ADCK1: variants seen among roughly 807,000 people sequenced by gnomAD.
The protein encoded by ADCK1 is aarF domain containing kinase 1, also known as aarF domain-containing protein kinase 1.
Under a neutral mutation model 52.3 loss-of-function variants are expected in ADCK1, and 41 were observed. That is an observed-to-expected ratio of 0.78 (90% CI 0.61 to 1.02). The LOEUF (loss-of-function observed/expected upper bound fraction) is 1.02. ADCK1 is among the 50% of genes least tolerant of loss of function. The probability of loss-of-function intolerance (pLI) is 0.00; values close to 1 mark genes in which losing one functional copy is unlikely to be tolerated. For synonymous variants in ADCK1, 250 were observed against 274.6 expected (o/e 0.91, Z 0.89); for missense variants, 658 against 679.5 (o/e 0.97, Z 0.35).
intron 3 of ADCK1, among the ~76,000 whole-genome samples, 198 bp from the exon 4 acceptor site, chr14:77,858,878 G>T (rs750380453): frequency 6.6e-6 from 1 of 152,164 alleles, no homozygotes; most frequent in Non-Finnish European, 1.5e-5. Context: ...TCTGTATGAG[G>T]TTGGAGTTGA....
intron 3 of ADCK1, among the ~76,000 whole-genome samples, chr14:77,852,907 A>ATTTT (rs71303864): frequency 7.6e-4 from 22 of 28,956 alleles, no homozygotes; most frequent in East Asian, 1.8e-3. Flanking sequence ...ATATATATAT[A>ATTTT]TTTTTTTTTT....
At chr14:77,873,959 A>G (rs2082842641) in intron 4 of ADCK1, among the ~76,000 whole-genome samples, 1 of 152,346 alleles carries the variant, frequency 6.6e-6, no homozygotes, top group South Asian at 2.1e-4. Context: ...ATGGCATTAG[A>G]AAGGCTAATC....
chr14:77,903,896 A>G (rs2083602382), intron 6 of ADCK1, among the ~76,000 whole-genome samples: 1 of 152,124 alleles, frequency 6.6e-6, no homozygotes, highest in Non-Finnish European at 1.5e-5. Flanking sequence ...AGAGTGATTT[A>G]TATTCTTTAA....
chr14:77,820,499 T>G (rs1419756177), intron 2 of ADCK1, among the ~76,000 whole-genome samples: 1 of 151,568 alleles, frequency 6.6e-6, no homozygotes, highest in Non-Finnish European at 1.5e-5. Flanking sequence ...CCTGGCCAAT[T>G]TCTCTATTTT....
At chr14:77,858,932 G>A in intron 3 of ADCK1, 144 bp from the exon 4 acceptor site, 3 of 689,326 alleles carry the variant, frequency 4.4e-6, no homozygotes, top group Middle Eastern at 8.5e-4. Context: ...GAAAAGGTGT[G>A]TGTGTGTGCG....
chr14:77,815,021 G>A (rs1486220611), intron 1 of ADCK1, among the ~76,000 whole-genome samples: 1 of 150,570 alleles, frequency 6.6e-6, no homozygotes, highest in Non-Finnish European at 1.5e-5. Context: ...CGAGTAGCTG[G>A]GATTACAGAG....
chr14:77,800,914 T>C (rs1373237731), intron 1 of ADCK1, among the ~76,000 whole-genome samples: 1 of 152,220 alleles, frequency 6.6e-6, no homozygotes, highest in Admixed American at 6.5e-5. Flanking sequence ...ACTTTATCTG[T>C]GGCTTCATAT....
rs184352912 is a variant in ADCK1 at position 77,892,481 on chromosome 14, C to T, written c.582+5232C>T. 2.4e-3 allele frequency among the ~76,000 whole-genome samples: 363 copies of T among 152,228 alleles called. 3 individuals are homozygous for T. Among genetic ancestry groups the T allele is most frequent in the African/African-American group, 7.9e-3 (327 of 41,550 alleles). The stretch of plus-strand genomic sequence containing the variant: ...AGCTGTTCCAAGGCTGACAGCCCAG[C>T]ACCTCATTGTTTGTAATGACTCAGA... On this transcript the variant is annotated intron_variant, in intron 5 of 10. Transcript: ENST00000238561.
intron 3 of ADCK1, among the ~76,000 whole-genome samples, chr14:77,840,317 T>A (rs1431462331): frequency 6.6e-6 from 1 of 151,946 alleles, no homozygotes; most frequent in Non-Finnish European, 1.5e-5. Flanking sequence ...TTCTGGAGGC[T>A]CTAGGGGAGA....
intron 7 of ADCK1, among the ~76,000 whole-genome samples, chr14:77,910,854 C>T (rs146248475): frequency 1.2e-4 from 19 of 152,294 alleles, no homozygotes; most frequent in Admixed American, 6.5e-4. Context: ...TCTGCCTCCC[C>T]GCTCTTTTGA....
At chr14:77,826,423 C>T (rs923798881) in intron 3 of ADCK1, among the ~76,000 whole-genome samples, 2 of 152,132 alleles carry the variant, frequency 1.3e-5, no homozygotes, top group African/African-American at 4.8e-5. Flanking sequence ...CGCAGGAAGG[C>T]TGGGATCTCA....
chr14:77,808,632 ATGG>A (rs2081277253), intron 1 of ADCK1, among the ~76,000 whole-genome samples: 1 of 152,146 alleles, frequency 6.6e-6, no homozygotes. Context: ...CTGGAGTGCA[ATGG>A]CGTGATCTCA....
intron 3 of ADCK1, among the ~76,000 whole-genome samples, chr14:77,828,572 T>C (rs1411836351): frequency 6.6e-5 from 10 of 152,194 alleles, no homozygotes; most frequent in Admixed American, 5.9e-4. Flanking sequence ...TTTGCTCTTG[T>C]TGCCCAGGAT....
intron 1 of ADCK1, among the ~76,000 whole-genome samples, chr14:77,814,060 G>A (rs139913644): frequency 6.1e-4 from 91 of 148,002 alleles, no homozygotes; most frequent in African/African-American, 2.1e-3. Context: ...GAGCCACCAC[G>A]CCGAGCCTTA....
At chr14:77,926,737 A>G (rs1201357047) in intron 9 of ADCK1, among the ~76,000 whole-genome samples, 1 of 151,918 alleles carries the variant, frequency 6.6e-6, no homozygotes, top group Non-Finnish European at 1.5e-5. Context: ...TCATTTCTCT[A>G]TTTCACCTAG....
chr14:77,827,737 A>C, intron 3 of ADCK1: 1 of 359,754 alleles, frequency 2.8e-6, no homozygotes, highest in South Asian at 2.1e-5. Context: ...TGCTGGGTAG[A>C]ATTGGAGCCA....
intron 3 of ADCK1, among the ~76,000 whole-genome samples, chr14:77,836,146 C>T (rs1237554236): frequency 2.0e-5 from 3 of 152,222 alleles, no homozygotes; most frequent in African/African-American, 4.8e-5. Context: ...TCTCTGTCTC[C>T]ACCCACAATC....
In ADCK1 at chr14:77,859,078, G is replaced by A; in HGVS notation, c.222G>A (p.Val74=). 6.3e-7 allele frequency: 1 copy of A among 1,599,000 alleles called. No individual in the cohort carries two copies. Residue 74 remains valine, a splice_region_variant and synonymous_variant, in exon 4 of 11, where the codon GTG becomes GTA. Transcript: ENST00000238561. ...GGTCCTGGCCTGTCTTCCTGCAGGT[G>A]CACCTTCGCTCTGCCAGGCGTCTCT... ...SEEYLQLRSK[V]HLRSARRLCE...
chr14:77,895,044 C>T (rs781638228), intron 5 of ADCK1, among the ~76,000 whole-genome samples: 3 of 152,190 alleles, frequency 2.0e-5, no homozygotes, highest in Admixed American at 1.3e-4. Context: ...TGAGCTACCA[C>T]GCTTGGCCCA....
Sources: allele counts gnomAD v4.1 joint callset (sites outside exome capture counted in the v4.1 genomes callset), GRCh38; gene constraint gnomAD v4.1.1; transcripts MANE v1.5; gene names NCBI Gene and HGNC (gene_info 2026-07-23, HGNC 2026-07-21).